MYO9A: variants seen among roughly 807,000 people sequenced by gnomAD.
MYO9A encodes unconventional myosin-IXa.
In MYO9A, 103 loss-of-function variants were observed where a neutral mutation model predicts 293.3. The observed-to-expected ratio is 0.35, with a 90% CI of 0.30 to 0.41. MYO9A has a LOEUF of 0.41. Ranked by LOEUF, MYO9A falls within the 10% of genes least tolerant of loss-of-function variation. The pLI is 1.00. For synonymous variants in MYO9A, 1,001 were observed against 1,035.7 expected (o/e 0.97, Z 0.64); for missense variants, 2,685 against 3,033.0 (o/e 0.89, Z 2.69).
chr15:72,008,615 G>C (rs983252784), intron 7 of MYO9A, among the ~76,000 whole-genome samples: 3 of 151,872 alleles, frequency 2.0e-5, no homozygotes, highest in Admixed American at 6.6e-5. Context: ...AAGAGTATGT[G>C]CCCTCCAATC....
chr15:72,082,673 GGTCT>G (rs2079584824), intron 1 of MYO9A, among the ~76,000 whole-genome samples: 1 of 151,542 alleles, frequency 6.6e-6, no homozygotes, highest in South Asian at 2.1e-4. Flanking sequence ...GTTGGCTGTG[GGTCT>G]GTCTTATTAT....
intron 1 of MYO9A, among the ~76,000 whole-genome samples, chr15:72,078,698 CTTTAT>C (rs2079446037): frequency 6.6e-6 from 1 of 152,074 alleles, no homozygotes. Flanking sequence ...TTTACGGTAG[CTTTAT>C]TTATGATTGT....
At position 71,824,772 on chromosome 15, in the gene MYO9A, T is replaced by G. The variant is rs1441599411; in HGVS notation, c.*1808A>C. The G allele has an allele frequency of 6.6e-6, 1 of 152,322 alleles. No homozygotes were observed. Among genetic ancestry groups the G allele is most frequent in the African/African-American group, 2.4e-5 (1 of 41,568 alleles). The allele number at this position is 152,322 out of a possible 1,614,324, so 9.4% of individuals were successfully genotyped here. On this transcript the variant is annotated 3_prime_UTR_variant, in exon 42 of 42. Coordinates refer to ENST00000356056, the MANE Select transcript of MYO9A (RefSeq NM_006901.4). ...CTGGAGATTTTAATGGCTTCCTTTC[T>G]CTGGCTCAATTCTGAACCCAAAGTA...
At chr15:71,908,138 G>A (rs570438606) in intron 19 of MYO9A, among the ~76,000 whole-genome samples, 1 of 152,152 alleles carries the variant, frequency 6.6e-6, no homozygotes, top group Admixed American at 6.5e-5. Context: ...GTAAGGAGGG[G>A]ATCCAGTTTC....
intron 1 of MYO9A, among the ~76,000 whole-genome samples, chr15:72,064,398 C>T (rs190381909): frequency 3.3e-5 from 5 of 152,106 alleles, no homozygotes; most frequent in Admixed American, 1.3e-4. Context: ...TATTATACAC[C>T]GTATGCTTGT....
chr15:71,854,942 G>C (rs569319924), intron 34 of MYO9A, among the ~76,000 whole-genome samples: 7 of 152,288 alleles, frequency 4.6e-5, no homozygotes, highest in Non-Finnish European at 8.8e-5. Context: ...AATTTGATAA[G>C]AATTAGAGTT....
chr15:72,101,758 C>G (rs1172141792), intron 1 of MYO9A, among the ~76,000 whole-genome samples: 3 of 145,556 alleles, frequency 2.1e-5, no homozygotes, highest in African/African-American at 7.5e-5. Context: ...GCCCGGCCGC[C>G]CCTACTGGGA....
intron 1 of MYO9A, among the ~76,000 whole-genome samples, chr15:72,054,302 A>G (rs888899787): frequency 6.6e-6 from 1 of 152,212 alleles, no homozygotes; most frequent in African/African-American, 2.4e-5. Flanking sequence ...ACAGAAAAAG[A>G]TTACAAGAAG....
chr15:71,997,341 C>T (rs983280714), intron 9 of MYO9A, among the ~76,000 whole-genome samples: 1 of 152,104 alleles, frequency 6.6e-6, no homozygotes, highest in Non-Finnish European at 1.5e-5. Flanking sequence ...GTGGCTCACG[C>T]CTGTAATCCC....
chr15:71,842,470 A>G (rs2055200780), intron 39 of MYO9A, among the ~76,000 whole-genome samples: 1 of 152,206 alleles, frequency 6.6e-6, no homozygotes, highest in Non-Finnish European at 1.5e-5. Context: ...TGGAGATTAA[A>G]TAACTTGCCC....
Position 71,827,060 on chromosome 15 carries a change from A to G in MYO9A, c.7184-17T>C. Reference sequence around the variant, plus strand: ...AGCTTCTTTCTAATGCAAAAAAGAGACCAAAGATGTAAATGACAGTGCCCT... The same window carrying G: ...AGCTTCTTTCTAATGCAAAAAAGAGGCCAAAGATGTAAATGACAGTGCCCT... On this transcript the variant is annotated splice_polypyrimidine_tract_variant and intron_variant, in intron 41 of 41. Transcript: ENST00000356056. The G allele has an allele frequency of 6.6e-7, 1 of 1,523,728 alleles. No individual in the cohort carries two copies. Among genetic ancestry groups the G allele is most frequent in the South Asian group, 1.3e-5 (1 of 77,690 alleles). The allele number at this position is 1,523,728 out of a possible 1,614,324, so 94.4% of individuals were successfully genotyped here. A position where few individuals can be genotyped will look rare whatever the true frequency, so the allele number is the denominator to read the frequency against.
At chr15:72,104,704 T>C (rs1001922598) in intron 1 of MYO9A, among the ~76,000 whole-genome samples, 7 of 152,244 alleles carry the variant, frequency 4.6e-5, no homozygotes, top group African/African-American at 1.7e-4. Flanking sequence ...CAACAGACTA[T>C]TCCCTCTGCC....
chr15:72,023,710 A>AG (rs947129128), intron 4 of MYO9A, among the ~76,000 whole-genome samples: 2 of 151,026 alleles, frequency 1.3e-5, no homozygotes, highest in African/African-American at 4.9e-5. Flanking sequence ...AAAAAAAAAA[A>AG]AAAGAAAAGA....
intron 3 of MYO9A, among the ~76,000 whole-genome samples, chr15:72,028,872 CA>C (rs1322029309): frequency 6.6e-6 from 1 of 152,120 alleles, no homozygotes. Context: ...ATTTATTGGG[CA>C]CTATATCAAG....
Position 71,878,246 on chromosome 15 carries a change from A to C in MYO9A, c.5740-15T>G. On this transcript the variant is annotated splice_polypyrimidine_tract_variant and intron_variant, in intron 30 of 41. Transcript: ENST00000356056. ...CCATCATCCATCTATAAGCAATAAG[A>C]AAAGAAATGTATGGTTTTATAAAGA... The C allele has an allele frequency of 1.3e-6, 2 of 1,495,770 alleles. No individual in the cohort carries two copies. Among genetic ancestry groups the C allele is most frequent in the Non-Finnish European group, 1.8e-6 (2 of 1,120,316 alleles). 92.7% of individuals were successfully genotyped at this position (1,495,770 alleles called of 1,614,324 possible).
chr15:71,952,031 G>A (rs1238364915), intron 14 of MYO9A, 135 bp from the exon 15 acceptor site: 44 of 884,630 alleles, frequency 5.0e-5, no homozygotes, highest in Non-Finnish European at 6.5e-5. Flanking sequence ...AAATAATAGA[G>A]GTTATATGTG....
At chr15:71,915,442 T>TA (rs980386676) in intron 19 of MYO9A, among the ~76,000 whole-genome samples, 4 of 151,264 alleles carry the variant, frequency 2.6e-5, no homozygotes, top group Admixed American at 6.6e-5. Context: ...TTTTTTTTTT[T>TA]AAAGAGAAAG....
At chr15:72,054,930 TAA>T (rs530182668) in intron 1 of MYO9A, among the ~76,000 whole-genome samples, 3 of 140,156 alleles carry the variant, frequency 2.1e-5, no homozygotes, top group Non-Finnish European at 1.6e-5. Context: ...CTGAAAGAAT[TAA>T]AAAAAAAAAA....
intron 4 of MYO9A, among the ~76,000 whole-genome samples, chr15:72,025,626 A>G (rs1196229910): frequency 6.6e-6 from 1 of 152,206 alleles, no homozygotes; most frequent in African/African-American, 2.4e-5. Context: ...CTGGGATTAC[A>G]GGAGTGAGCC....
Sources: gnomAD v4.1 joint callset for allele counts (sites outside exome capture counted in the v4.1 genomes callset) on GRCh38, gnomAD v4.1.1 for gene constraint, MANE v1.5 for transcripts, NCBI Gene and HGNC (gene_info 2026-07-23, HGNC 2026-07-21) for gene names.